VRK2: variants seen among roughly 807,000 people sequenced by gnomAD.
VRK2 encodes VRK serine/threonine kinase 2, also known as serine/threonine-protein kinase VRK2.
VRK2 carries 60 observed loss-of-function variants against 57.6 expected under a neutral mutation model. The ratio of observed to expected loss-of-function variants is 1.04; its 90% CI spans 0.85 to 1.29. VRK2 has a LOEUF of 1.29. VRK2 is among the 50% of genes most tolerant of loss of function. The probability of loss-of-function intolerance (pLI) is 0.00; values close to 1 mark genes in which losing one functional copy is unlikely to be tolerated. For missense variants in VRK2, 705 were observed against 588.1 expected, an observed-to-expected ratio of 1.20 and a Z score of -2.06; for synonymous variants, 231 against 199.2, an observed-to-expected ratio of 1.16 and a Z score of -1.35.
intron 1 of VRK2, among the ~76,000 whole-genome samples, chr2:57,980,726 A>C (rs1441991666): frequency 6.6e-6 from 1 of 152,230 alleles, no homozygotes; most frequent in Non-Finnish European, 1.5e-5. Context: ...TGTTGGGTGC[A>C]TATACATTTA....
chr2:58,054,681 C>T (rs756442165), intron 2 of VRK2, among the ~76,000 whole-genome samples: 16 of 152,074 alleles, frequency 1.1e-4, no homozygotes, highest in South Asian at 2.1e-4. Context: ...TGAGAGAGCT[C>T]ATTAGAAATT....
intron 2 of VRK2, chr2:58,058,553 C>G (rs1232991675): frequency 5.9e-6 from 2 of 340,818 alleles, no homozygotes; most frequent in East Asian, 8.0e-5. Context: ...CTGATGAGGC[C>G]ATGAACATAG....
At chr2:57,934,887 A>C (rs965232051) in intron 1 of VRK2, among the ~76,000 whole-genome samples, 7 of 152,116 alleles carry the variant, frequency 4.6e-5, no homozygotes, top group South Asian at 2.1e-4. Context: ...TTCATTTATT[A>C]CATTCTTTAT....
chr2:58,137,202 C>CATATATATGATACATATATA lies in VRK2; in HGVS notation c.856+2003_856+2004insATATATATGATACATATATA, dbSNP rs1680549626. On this transcript the variant is annotated intron_variant, in intron 10 of 12. Coordinates refer to ENST00000340157, the MANE Select transcript of VRK2 (RefSeq NM_006296.7). ...TATATCATATATGATACATATATAT[C>CATATATATGATACATATATA]TCATATATGATACATATATATCATA... Among the ~76,000 whole-genome samples the CATATATATGATACATATATA allele has an allele frequency of 1.2e-3, 34 of 27,350 alleles. 5 individuals are homozygous for CATATATATGATACATATATA. Among genetic ancestry groups the CATATATATGATACATATATA allele is most frequent in the African/African-American group, 5.5e-3 (32 of 5,844 alleles). The allele number at this position is 27,350 out of a possible 152,430, so 17.9% of individuals were successfully genotyped here.
chr2:58,079,773 A>C (rs1331919623), intron 2 of VRK2, among the ~76,000 whole-genome samples: 1 of 151,962 alleles, frequency 6.6e-6, no homozygotes, highest in Non-Finnish European at 1.5e-5. Flanking sequence ...CCATTTCTCC[A>C]AGGAGCCCTG....
intron 3 of VRK2, among the ~76,000 whole-genome samples, chr2:58,035,459 A>G (rs1674245839): frequency 6.6e-6 from 1 of 152,002 alleles, no homozygotes. Context: ...ACTCAAGAGT[A>G]TCTATGTAGC....
At position 58,128,566 on chromosome 2, in the gene VRK2, A is replaced by G. The variant is rs545865345; in HGVS notation, c.677-3242A>G. 4.2e-3 allele frequency among the ~76,000 whole-genome samples: 632 copies of G among 152,288 alleles called. 7 individuals carry two copies. The highest frequency in any genetic ancestry group is 0.014 in the African/African-American group (600 of 41,554). On this transcript the variant is annotated intron_variant, in intron 8 of 12. Transcript: ENST00000340157. ...GGGCTGGTCTTAAACTCTTGACCTC[A>G]GGTGATCTGCCCACCTCAGCCTCCC... is the stretch of plus-strand genomic sequence containing the variant.
intron 12 of VRK2, among the ~76,000 whole-genome samples, chr2:58,157,729 C>T (rs1480956760): frequency 1.3e-5 from 2 of 152,086 alleles, no homozygotes; most frequent in Admixed American, 6.5e-5. Context: ...AGAATAATGC[C>T]GTAGAGCAGG....
chr2:58,139,514 TAA>T (rs1331213178), intron 10 of VRK2, 150 bp from the exon 11 acceptor site: 7 of 669,444 alleles, frequency 1.0e-5, no homozygotes, highest in East Asian at 2.8e-5. Flanking sequence ...GAATATCATT[TAA>T]AAAGTTATTT....
At chr2:58,055,188 T>C (rs1275368256) in intron 2 of VRK2, among the ~76,000 whole-genome samples, 2 of 152,152 alleles carry the variant, frequency 1.3e-5, no homozygotes, top group African/African-American at 2.4e-5. Context: ...CCATCTTTGA[T>C]TGGCACCTAT....
At chr2:58,066,322 C>T (rs1668604232) in intron 2 of VRK2, among the ~76,000 whole-genome samples, 1 of 152,110 alleles carries the variant, frequency 6.6e-6, no homozygotes, top group African/African-American at 2.4e-5. Flanking sequence ...GCCTTTTCTA[C>T]TTCAATTGAT....
intron 1 of VRK2, among the ~76,000 whole-genome samples, chr2:57,923,095 A>G (rs1415865463): frequency 6.6e-6 from 1 of 151,896 alleles, no homozygotes; most frequent in Non-Finnish European, 1.5e-5. Flanking sequence ...GTGTATGTGC[A>G]CCACATTTTT....
intron 7 of VRK2, among the ~76,000 whole-genome samples, chr2:58,102,849 C>T (rs973055364): frequency 2.6e-5 from 4 of 151,578 alleles, no homozygotes; most frequent in Non-Finnish European, 4.4e-5. Context: ...AAACTAGCCT[C>T]AATACATTTT....
intron 12 of VRK2, among the ~76,000 whole-genome samples, chr2:58,153,615 T>C (rs1438628122): frequency 6.6e-6 from 1 of 152,132 alleles, no homozygotes; most frequent in Non-Finnish European, 1.5e-5. Flanking sequence ...TTTAATTTGC[T>C]AGTATTTTAA....
At chr2:57,990,684 A>G (rs1672736465) in intron 1 of VRK2, among the ~76,000 whole-genome samples, 1 of 152,206 alleles carries the variant, frequency 6.6e-6, no homozygotes, top group East Asian at 1.9e-4. Context: ...TTAAATAAAA[A>G]CTTTTGTCCA....
Position 58,159,346 on chromosome 2 carries a change from T to A in VRK2, c.1183-3T>A. The A allele has an allele frequency of 6.3e-7, 1 of 1,588,840 alleles. No individual in the cohort carries two copies. The highest frequency in any genetic ancestry group is 2.2e-5 in the East Asian group (1 of 44,706). On this transcript the variant is annotated splice_polypyrimidine_tract_variant and splice_region_variant and intron_variant, in intron 12 of 12. Coordinates refer to ENST00000340157, the MANE Select transcript of VRK2 (RefSeq NM_006296.7). ...CTAAACTATATATGTATTTTTTCCA[T>A]AGGAAAGCACAAGGAGAAGACAGAA...
chr2:58,048,525 A>G, intron 1 of VRK2: 1 of 1,316,442 alleles, frequency 7.6e-7, no homozygotes, highest in South Asian at 1.3e-5. Flanking sequence ...GTGTTTCTTA[A>G]GGTGTGTCCT....
At chr2:57,952,080 A>G (rs1354849826) in intron 1 of VRK2, among the ~76,000 whole-genome samples, 1 of 151,668 alleles carries the variant, frequency 6.6e-6, no homozygotes, top group African/African-American at 2.4e-5. Context: ...ATTAAGACAT[A>G]TATATCTATA....
chr2:58,120,794 T>C (rs114466964), intron 7 of VRK2, among the ~76,000 whole-genome samples: 2,191 of 152,308 alleles, frequency 0.014, 54 homozygotes, highest in African/African-American at 0.049. Context: ...ATATTAGTCA[T>C]TGTGGGAGGT....
Sources: gnomAD v4.1 joint callset for allele counts (sites outside exome capture counted in the v4.1 genomes callset) on GRCh38, gnomAD v4.1.1 for gene constraint, MANE v1.5 for transcripts, NCBI Gene and HGNC (gene_info 2026-07-23, HGNC 2026-07-21) for gene names.